The following AMMECR1 variants were observed in gnomAD, a reference collection of about 807,000 sequenced individuals.
AMMECR1 encodes the protein AMMECR nuclear protein 1.
AMMECR1 carries 3 observed loss-of-function variants against 22.5 expected under a neutral mutation model. That is an observed-to-expected ratio of 0.13 (90% CI 0.06 to 0.35). AMMECR1 has a LOEUF of 0.35. Ranked by LOEUF, AMMECR1 falls within the 10% of genes least tolerant of loss-of-function variation. The pLI is 1.00. For synonymous variants in AMMECR1, 130 were observed against 116.7 expected, an observed-to-expected ratio of 1.11 and a Z score of -0.74; for missense variants, 235 against 278.7, an observed-to-expected ratio of 0.84 and a Z score of 1.12.
At chrX:110,283,993 A>T (rs1195070338) in intron 1 of AMMECR1, among the ~76,000 whole-genome samples, 18 of 110,858 alleles carry the variant, frequency 1.6e-4, no homozygotes, top group African/African-American at 5.9e-4. Flanking sequence ...GTGGTGGCAC[A>T]GGCCTGTAAT....
chrX:110,386,737 A>G (rs1324325052), intron 2 of AMMECR1, among the ~76,000 whole-genome samples: 1 of 112,085 alleles, frequency 8.9e-6, no homozygotes, highest in African/African-American at 3.2e-5. Flanking sequence ...AAATCACCTG[A>G]TGCACCCTAT....
Position 110,364,900 on chromosome X carries a change from G to T in AMMECR1, c.-147-47051C>A, listed in dbSNP as rs143052609. Among the ~76,000 whole-genome samples the T allele has an allele frequency of 8.0e-3, 896 of 112,016 alleles. 4 individuals carry two copies. The highest frequency in any genetic ancestry group is 0.027 in the African/African-American group (837 of 30,831). On this transcript the variant is annotated intron_variant, in intron 2 of 7. Transcript: ENST00000372057. ...ATTCCCTGTAGTGCCAACTATATTTGTTCCTGAGCCTCAGCTCCCTGCATC... is the reference window on the plus strand; with the variant it reads ...ATTCCCTGTAGTGCCAACTATATTTTTTCCTGAGCCTCAGCTCCCTGCATC...
At chrX:110,421,283 T>C (rs973344707) in intron 2 of AMMECR1, among the ~76,000 whole-genome samples, 3 of 112,685 alleles carry the variant, frequency 2.7e-5, no homozygotes, top group African/African-American at 9.7e-5. Context: ...AGGTGAGAGA[T>C]GCTTGCTTTT....
At chrX:110,374,835 T>G (rs1160923857) in intron 2 of AMMECR1, among the ~76,000 whole-genome samples, 2 of 109,570 alleles carry the variant, frequency 1.8e-5, no homozygotes, top group African/African-American at 6.7e-5. Flanking sequence ...AGTAAAGAGA[T>G]AAGGTTCAAG....
chrX:110,247,992 T>C (rs2067667870), intron 2 of AMMECR1, among the ~76,000 whole-genome samples: 1 of 112,056 alleles, frequency 8.9e-6, no homozygotes, highest in Admixed American at 9.4e-5. Flanking sequence ...TTTAAAAGAA[T>C]GCATCATAAA....
chrX:110,430,083 A>T (rs897355527), intron 1 of AMMECR1, among the ~76,000 whole-genome samples: 5 of 112,280 alleles, frequency 4.5e-5, no homozygotes, highest in African/African-American at 1.6e-4. Flanking sequence ...GGCACTATTA[A>T]TCCAGGAGTT....
intron 1 of AMMECR1, among the ~76,000 whole-genome samples, chrX:110,286,270 C>G (rs1216301414): frequency 9.0e-6 from 1 of 111,302 alleles, no homozygotes; most frequent in Non-Finnish European, 1.9e-5. Flanking sequence ...AGAACCCAAC[C>G]CCAGCATGAC....
chrX:110,341,873 G>A (rs183786720), intron 2 of AMMECR1, among the ~76,000 whole-genome samples: 17 of 111,481 alleles, frequency 1.5e-4, no homozygotes, highest in Admixed American at 2.8e-4. Flanking sequence ...GACCAGCCTA[G>A]GCCACATGGT....
At chrX:110,317,541 C>G (rs2068055286) in intron 1 of AMMECR1, 58 bp downstream of exon 1, 2 of 1,098,117 alleles carry the variant, frequency 1.8e-6, no homozygotes, top group Non-Finnish European at 2.4e-6. Context: ...CACTTTGCCT[C>G]AACTCTGAGC....
At chrX:110,401,489 C>T (rs963693075) in intron 2 of AMMECR1, among the ~76,000 whole-genome samples, 1 of 111,683 alleles carries the variant, frequency 9.0e-6, no homozygotes, top group African/African-American at 3.3e-5. Context: ...TTCCAGAGCA[C>T]ATATTATATT....
chrX:110,421,846 G>A (rs1214878211), intron 2 of AMMECR1, among the ~76,000 whole-genome samples: 3 of 112,717 alleles, frequency 2.7e-5, no homozygotes, highest in Non-Finnish European at 3.7e-5. Context: ...GGTGTGACAG[G>A]AAAAGCTGAC....
chrX:110,321,018 A>G (rs911703441), upstream of AMMECR1, among the ~76,000 whole-genome samples: 1 of 112,040 alleles, frequency 8.9e-6, no homozygotes, highest in African/African-American at 3.3e-5. Context: ...TGTCTCCTTT[A>G]GGCATTTGAG....
intron 2 of AMMECR1, among the ~76,000 whole-genome samples, chrX:110,381,513 AAGATTTCTCAAAGATCTAAAAAT>A (rs1250977104): frequency 1.8e-5 from 2 of 111,939 alleles, no homozygotes; most frequent in Non-Finnish European, 3.8e-5. Context: ...AAAGCAGTTA[AAGATTTCTCAAAGATCTAAAAAT>A]AGAAATACCA....
At chrX:110,313,176 G>A (rs1009859215) in intron 1 of AMMECR1, among the ~76,000 whole-genome samples, 7 of 111,895 alleles carry the variant, frequency 6.3e-5, no homozygotes, top group Admixed American at 3.8e-4. Context: ...ACTTGACTAC[G>A]GTGGCAAGAC....
chrX:110,346,003 T>C (rs905893185), intron 2 of AMMECR1, among the ~76,000 whole-genome samples: 1 of 112,017 alleles, frequency 8.9e-6, no homozygotes, highest in Non-Finnish European at 1.9e-5. Context: ...CATCTTGATG[T>C]CTATGATAGA....
chrX:110,244,613 T>C (rs188139769), intron 2 of AMMECR1, among the ~76,000 whole-genome samples: 227 of 112,099 alleles, frequency 2.0e-3, no homozygotes, highest in Non-Finnish European at 3.8e-3. Flanking sequence ...TACATGCCAA[T>C]TTCCCTCAAA....
chrX:110,345,363 G>A (rs1344819395), intron 2 of AMMECR1, among the ~76,000 whole-genome samples: 10 of 109,746 alleles, frequency 9.1e-5, no homozygotes, highest in Non-Finnish European at 3.8e-5. Flanking sequence ...GGGGAGGGGA[G>A]AGGGATAGCA....
intron 2 of AMMECR1, among the ~76,000 whole-genome samples, chrX:110,374,101 A>G (rs2068358979): frequency 8.9e-6 from 1 of 112,261 alleles, no homozygotes; most frequent in African/African-American, 3.2e-5. Context: ...TCAAAGAGAA[A>G]TAGCTGATAA....
chrX:110,432,629 C>T (rs760008537), intron 1 of AMMECR1, among the ~76,000 whole-genome samples: 13 of 112,210 alleles, frequency 1.2e-4, no homozygotes, highest in Admixed American at 5.6e-4. Context: ...TCTGAAACCC[C>T]TCCTGTCCCT....
Sources: gnomAD v4.1 joint callset for allele counts (sites outside exome capture counted in the v4.1 genomes callset) on GRCh38, gnomAD v4.1.1 for gene constraint, MANE v1.5 for transcripts, NCBI Gene and HGNC (gene_info 2026-07-23, HGNC 2026-07-21) for gene names.